The following CLEC16A variants were observed in gnomAD, a reference collection of about 807,000 sequenced individuals.
CLEC16A encodes protein CLEC16A.
In CLEC16A, 51 loss-of-function variants were observed where a neutral mutation model predicts 109.5. That is an observed-to-expected ratio of 0.47 (90% confidence interval 0.37 to 0.59). The LOEUF is 0.59. Among genes scored for constraint, CLEC16A ranks in the 20% least tolerant of loss-of-function variants. The pLI, the probability that CLEC16A is intolerant of heterozygous loss-of-function variation, is 0.00. For missense variants in CLEC16A, 1,339 were observed against 1,394.0 expected (o/e 0.96, Z 0.63); for synonymous variants, 673 against 564.2 (o/e 1.19, Z -2.73).
chr16:10,988,774 A>C (rs2043820873), intron 10 of CLEC16A, among the ~76,000 whole-genome samples: 1 of 151,798 alleles, frequency 6.6e-6, no homozygotes. Flanking sequence ...TCAGTTTCTT[A>C]CCTCTCCAGT....
intron 12 of CLEC16A, among the ~76,000 whole-genome samples, chr16:11,022,893 C>T (rs1213245573): frequency 7.8e-6 from 1 of 128,196 alleles, no homozygotes; most frequent in African/African-American, 3.4e-5. Flanking sequence ...AGCGAGATTC[C>T]ATCTCAAAAA....
chr16:11,009,812 A>C (rs2045288493), intron 11 of CLEC16A, among the ~76,000 whole-genome samples: 1 of 152,130 alleles, frequency 6.6e-6, no homozygotes, highest in Non-Finnish European at 1.5e-5. Context: ...AAGTATTTCT[A>C]CCACTGCAGA....
chr16:11,152,897 GC>G (rs2054351684), intron 22 of CLEC16A, among the ~76,000 whole-genome samples: 1 of 152,112 alleles, frequency 6.6e-6, no homozygotes, highest in South Asian at 2.1e-4. Flanking sequence ...TCATTGAAAG[GC>G]TGAGACGCTT....
intron 19 of CLEC16A, among the ~76,000 whole-genome samples, chr16:11,076,589 A>G (rs1394210262): frequency 1.3e-5 from 2 of 152,036 alleles, no homozygotes. Context: ...TTGACACAGG[A>G]TCCGGTGATT....
chr16:10,987,670 A>G (rs965911652), intron 10 of CLEC16A, among the ~76,000 whole-genome samples: 2 of 152,218 alleles, frequency 1.3e-5, no homozygotes, highest in Non-Finnish European at 2.9e-5. Flanking sequence ...AGGTTTGGGA[A>G]GAGCACAGGC....
intron 23 of CLEC16A, among the ~76,000 whole-genome samples, chr16:11,172,173 T>C (rs1276278533): frequency 6.6e-6 from 1 of 152,012 alleles, no homozygotes; most frequent in Non-Finnish European, 1.5e-5. Flanking sequence ...GTCACACATA[T>C]ACAAATGGAC....
intron 22 of CLEC16A, among the ~76,000 whole-genome samples, chr16:11,154,859 G>A (rs761258521): frequency 1.3e-5 from 2 of 152,072 alleles, no homozygotes; most frequent in East Asian, 1.9e-4. Flanking sequence ...CCTGGGAGTC[G>A]GAGGTTGTAG....
At chr16:10,987,346 C>T (rs185848868) in intron 10 of CLEC16A, among the ~76,000 whole-genome samples, 52 of 152,248 alleles carry the variant, frequency 3.4e-4, no homozygotes, top group African/African-American at 1.2e-3. Flanking sequence ...CAAAAGCAAA[C>T]TGCGGGTTAC....
chr16:11,095,074 GT>G (rs2050527397), intron 19 of CLEC16A, among the ~76,000 whole-genome samples: 1 of 146,180 alleles, frequency 6.8e-6, no homozygotes, highest in Non-Finnish European at 1.5e-5. Flanking sequence ...TATTTGAACA[GT>G]TGCTAATCTT....
Position 11,156,933 on chromosome 16 carries a change from A to AC in CLEC16A, c.2642-9450dup, listed in dbSNP as rs1490282468. On this transcript the variant is annotated intron_variant, in intron 22 of 23. Coordinates refer to ENST00000409790, the MANE Select transcript of CLEC16A (RefSeq NM_015226.3). ...CAAATGCCCGCCCCCCCCCCCACCCACCCCCTGCCGGTAGCAAAAGGGGCA... is the reference window on the plus strand; with the variant it reads ...CAAATGCCCGCCCCCCCCCCCACCCACCCCCCTGCCGGTAGCAAAAGGGGCA... The AC allele has an allele frequency of 1.2e-4, 7 of 58,552 alleles. No homozygotes were observed. In the East Asian group the frequency reaches 6.6e-3, roughly 55 times the overall value. The allele number at this position is 58,552 out of a possible 1,614,324, so 3.6% of individuals were successfully genotyped here. A position where few individuals can be genotyped will look rare whatever the true frequency, so the allele number is the denominator to read the frequency against.
chr16:11,146,005 C>G (rs934542478), intron 22 of CLEC16A, among the ~76,000 whole-genome samples: 1 of 152,228 alleles, frequency 6.6e-6, no homozygotes, highest in Non-Finnish European at 1.5e-5. Flanking sequence ...GGGGCCTCTC[C>G]GCAGCCTTGA....
At chr16:11,149,896 G>T (rs1257997286) in intron 22 of CLEC16A, 4 of 151,914 alleles carry the variant, frequency 2.6e-5, no homozygotes, top group Non-Finnish European at 5.9e-5. Flanking sequence ...ACCCTTCTCT[G>T]TGCAGTTGCA....
At chr16:10,948,175 G>C (rs530460078) in intron 1 of CLEC16A, among the ~76,000 whole-genome samples, 1 of 152,326 alleles carries the variant, frequency 6.6e-6, no homozygotes, top group East Asian at 1.9e-4. Context: ...TTACAGGCAT[G>C]AGCCACTGCA....
rs573100275 is a variant in CLEC16A at position 10,986,109 on chromosome 16, C to A, written c.1071+3118C>A. 4.4e-3 allele frequency among the ~76,000 whole-genome samples: 646 copies of A among 145,262 alleles called. 5 individuals carry two copies. Among genetic ancestry groups the A allele is most frequent in the Middle Eastern group, 0.034 (9 of 268 alleles). ...ACAGCGGCACGATCTCAGCTCACTG[C>A]AAGCTCTGCCTCCCGGGTTCACGCC... On this transcript the variant is annotated intron_variant, in intron 10 of 23. Coordinates refer to ENST00000409790, the MANE Select transcript of CLEC16A (RefSeq NM_015226.3).
At chr16:11,149,292 A>T (rs186685358) in intron 22 of CLEC16A, among the ~76,000 whole-genome samples, 1 of 152,178 alleles carries the variant, frequency 6.6e-6, no homozygotes, top group South Asian at 2.1e-4. Flanking sequence ...ATTACTGCAG[A>T]CCCGTTGTAT....
chr16:11,053,180 C>T (rs2076133949), intron 18 of CLEC16A, among the ~76,000 whole-genome samples: 1 of 152,126 alleles, frequency 6.6e-6, no homozygotes. Flanking sequence ...CATGTACCAC[C>T]ACACCCAGCC....
At chr16:11,071,848 C>G (rs1707939785) in intron 19 of CLEC16A, among the ~76,000 whole-genome samples, 1 of 149,958 alleles carries the variant, frequency 6.7e-6, no homozygotes, top group South Asian at 2.1e-4. Context: ...CTACTTCAGC[C>G]TCCTAAGTAG....
At chr16:11,124,647 G>A (rs533059158) in intron 21 of CLEC16A, among the ~76,000 whole-genome samples, 77 of 152,324 alleles carry the variant, frequency 5.1e-4, no homozygotes, top group African/African-American at 1.7e-3. Flanking sequence ...GTGGGGGGAA[G>A]GCATGCTGTC....
intron 11 of CLEC16A, among the ~76,000 whole-genome samples, chr16:11,019,560 G>C (rs1441493640): frequency 6.6e-6 from 1 of 152,220 alleles, no homozygotes; most frequent in East Asian, 1.9e-4. Context: ...CCTGAGGTCA[G>C]GAATTCGAGA....
Sources: gnomAD v4.1 joint callset for allele counts (sites outside exome capture counted in the v4.1 genomes callset) on GRCh38, gnomAD v4.1.1 for gene constraint, MANE v1.5 for transcripts, NCBI Gene and HGNC (gene_info 2026-07-23, HGNC 2026-07-21) for gene names.